BMP1: variants seen among roughly 807,000 people sequenced by gnomAD.
BMP1 encodes the protein mammalian tolloid protein.
In BMP1, 63 loss-of-function variants were observed where a neutral mutation model predicts 116.8. That is an observed-to-expected ratio of 0.54 (90% CI 0.44 to 0.67). The LOEUF (loss-of-function observed/expected upper bound fraction) is 0.67, where lower values mean the gene tolerates loss of function less well. BMP1 is among the 30% of genes least tolerant of loss of function. The pLI is 0.00. For missense variants in BMP1, 1,183 were observed against 1,358.9 expected (o/e 0.87, Z 2.04); for synonymous variants, 536 against 533.4 (o/e 1.00, Z -0.07).
rs200128133 is a variant in BMP1, at chr8:22,206,918, G to C, written c.2298G>C (p.Lys766Asn). The C allele has an allele frequency of 6.8e-6, 11 of 1,614,102 alleles. No individual in the cohort carries two copies. Among genetic ancestry groups the C allele is most frequent in the Non-Finnish European group, 8.5e-6 (10 of 1,180,036 alleles). The change falls in exon 17 of 20, where the codon AAG (lysine) becomes AAC (asparagine). Residue 766 changes from lysine (K) to asparagine (N), a missense_variant. Transcript: ENST00000306385. ...GTITSPNWPD[K>N]YPSKKECTWA... is the part of the protein sequence containing the mutation. ...TCACCAGCCCCAACTGGCCTGACAA[G>C]TATCCCAGCAAGAAGGAGTGCACGT...
At chr8:22,191,899 T>C (rs1586457629) in intron 8 of BMP1, 150 bp from the exon 9 acceptor site, 6 of 609,170 alleles carry the variant, frequency 9.8e-6, no homozygotes, top group Non-Finnish European at 1.7e-5. Flanking sequence ...GGAGGGGCGG[T>C]TCTGTGCCAG....
At chr8:22,178,898 C>T (rs1327998915) in intron 6 of BMP1, among the ~76,000 whole-genome samples, 1 of 152,148 alleles carries the variant, frequency 6.6e-6, no homozygotes, top group African/African-American at 2.4e-5. Context: ...GTGCTTCTAC[C>T]CGATCTGCTC....
rs1295944749 is a variant in BMP1, at chr8:22,195,455, A to T, written c.1640-7A>T. 1.3e-6 allele frequency: 2 copies of T among 1,594,402 alleles called. No homozygotes were observed. Among genetic ancestry groups the T allele is most frequent in the African/African-American group, 2.7e-5 (2 of 73,522 alleles). On this transcript the variant is annotated splice_polypyrimidine_tract_variant and splice_region_variant and intron_variant, in intron 12 of 19. Coordinates refer to ENST00000306385, the MANE Select transcript of BMP1 (RefSeq NM_006129.5). ...GAGTCTGTGACACCCTTTCCTTCCC[A>T]CCACAGAGGTGGACGAGTGCTCTCG...
At chr8:22,205,121 G>A (rs1387261667) in intron 16 of BMP1, among the ~76,000 whole-genome samples, 1 of 152,188 alleles carries the variant, frequency 6.6e-6, no homozygotes, top group Non-Finnish European at 1.5e-5. Context: ...GAGTCCAGAG[G>A]TTGAAGCCAT....
intron 8 of BMP1, among the ~76,000 whole-genome samples, chr8:22,184,203 A>G (rs1828703436): frequency 6.6e-6 from 1 of 152,350 alleles, no homozygotes; most frequent in South Asian, 2.1e-4. Context: ...GTCAGGTGGC[A>G]CGCTACTTAC....
Position 22,173,614 on chromosome 8 carries a change from G to C in BMP1, c.161G>C (p.Gly54Ala), listed in dbSNP as rs1362420861. The C allele has an allele frequency of 3.1e-6, 5 of 1,610,724 alleles. No individual in the cohort carries two copies. The highest frequency in any genetic ancestry group is 4.2e-6 in the Non-Finnish European group (5 of 1,178,482). Reference protein sequence around the residue: ...KDPCKAAAFLGDIALDEEDLR... With the variant: ...KDPCKAAAFLADIALDEEDLR... The stretch of plus-strand genomic sequence containing the variant: ...CTTTTCTCTTTAGCTGCCTTTCTTG[G>C]GGACATTGCCCTGGACGAAGAGGAC... Residue 54 changes from glycine to alanine, a missense_variant, in exon 2 of 20, where the codon GGG (glycine) becomes GCG (alanine). Around this residue, in one of 4 missense-constraint regions of BMP1, gnomAD observed 185 missense variants for 158.9 expected, o/e 1.16. Coordinates refer to ENST00000306385, the MANE Select transcript of BMP1 (RefSeq NM_006129.5).
chr8:22,208,344 G>T lies in BMP1; in HGVS notation c.2575+828G>T, dbSNP rs561358575. 6.6e-5 allele frequency among the ~76,000 whole-genome samples: 10 copies of T among 152,362 alleles called. No individual in the cohort carries two copies. In the East Asian group the frequency reaches 1.7e-3, roughly 26 times the overall value. ...ATGAACTGAGCTCCGCTCTGCGAGA[G>T]GACTAAGGGGCACGTGGCCTGAATC... On this transcript the variant is annotated intron_variant, in intron 18 of 19. Coordinates refer to ENST00000306385, the MANE Select transcript of BMP1 (RefSeq NM_006129.5).
intron 16 of BMP1, among the ~76,000 whole-genome samples, chr8:22,203,855 T>C (rs1337997951): frequency 6.6e-6 from 1 of 151,220 alleles, no homozygotes; most frequent in Non-Finnish European, 1.5e-5. Flanking sequence ...TAAACTGCAT[T>C]CTGTCTCTGT....
chr8:22,165,669 A>C, intron 1 of BMP1, 116 bp downstream of exon 1: 1 of 920,214 alleles, frequency 1.1e-6, no homozygotes, highest in Non-Finnish European at 1.5e-6. Flanking sequence ...CTGGTTGGCA[A>C]TGCAGTGGGG....
intron 15 of BMP1, among the ~76,000 whole-genome samples, chr8:22,199,582 A>G (rs756925876): frequency 2.0e-5 from 3 of 152,078 alleles, no homozygotes; most frequent in East Asian, 1.9e-4. Context: ...GGCAGGTGTA[A>G]TTTTACCCCT....
chr8:22,180,747 C>T (rs192902412), intron 8 of BMP1, among the ~76,000 whole-genome samples: 1 of 151,706 alleles, frequency 6.6e-6, no homozygotes, highest in East Asian at 2.0e-4. Flanking sequence ...TTATCTAGTT[C>T]TTCTTGGGTG....
chr8:22,206,717 C>T, intron 16 of BMP1, 137 bp from the exon 17 acceptor site: 1 of 1,288,406 alleles, frequency 7.8e-7, no homozygotes, highest in Non-Finnish European at 1.1e-6. Context: ...AGAAACGATG[C>T]CTGCCTGCCA....
chr8:22,176,982 C>T lies in BMP1; in HGVS notation c.573C>T (p.Arg191=). Reference sequence around the variant, plus strand: ...CCAGGTGCTGCTCCTACGTGGGTCGCCGCGGCGGGGGCCCCCAGGCCATCT... The same window carrying T: ...CCAGGTGCTGCTCCTACGTGGGTCGTCGCGGCGGGGGCCCCCAGGCCATCT... ...RPCGCCSYVG[R]RGGGPQAISI... Residue 191 remains arginine, a synonymous_variant, in exon 5 of 20, where the codon CGC becomes CGT. Coordinates refer to ENST00000306385, the MANE Select transcript of BMP1 (RefSeq NM_006129.5). 6.2e-7 allele frequency: 1 copy of T among 1,611,866 alleles called. No homozygotes were observed.
intron 19 of BMP1, among the ~76,000 whole-genome samples, chr8:22,210,651 C>T (rs1485370305): frequency 6.6e-6 from 1 of 152,174 alleles, no homozygotes; most frequent in Non-Finnish European, 1.5e-5. Context: ...GGCTGAACCT[C>T]CCCCAGGAGC....
intron 5 of BMP1, 99 bp downstream of exon 5, chr8:22,177,238 G>C (rs1330840475): frequency 1.6e-6 from 2 of 1,285,304 alleles, no homozygotes; most frequent in African/African-American, 3.0e-5. Context: ...CCAGCCAGCC[G>C]TCATCGCCTG....
intron 1 of BMP1, among the ~76,000 whole-genome samples, chr8:22,166,485 T>C (rs1828116126): frequency 6.6e-6 from 1 of 152,174 alleles, no homozygotes. Context: ...CTCGGGCCAT[T>C]TGCCTGATTG....
At chr8:22,197,862 C>T (rs570047177) in intron 15 of BMP1, among the ~76,000 whole-genome samples, 61 of 152,240 alleles carry the variant, frequency 4.0e-4, no homozygotes, top group Admixed American at 5.9e-4. Context: ...CCTGCACACG[C>T]CAAATAGGTT....
chr8:22,176,548 T>TTCCTTC lies in BMP1; in HGVS notation c.449_450insTCCTTC (p.Val150_Phe151insProSer), dbSNP rs1828441625. The TTCCTTC allele has an allele frequency of 6.2e-7, 1 of 1,614,062 alleles. No homozygotes were observed. The highest frequency in any genetic ancestry group is 8.5e-7 in the Non-Finnish European group (1 of 1,180,010). On this transcript the variant is annotated inframe_insertion, in exon 4 of 20. Coordinates refer to ENST00000306385, the MANE Select transcript of BMP1 (RefSeq NM_006129.5). ...CTCCTGGCAGGTAGCCAGAGGGCAG[T>TTCCTTC]CTTCCGGCAGGCCATGAGGCACTGG...
intron 15 of BMP1, chr8:22,199,377 G>A (rs970256828): frequency 1.5e-6 from 2 of 1,293,030 alleles, no homozygotes; most frequent in Non-Finnish European, 2.0e-6. Flanking sequence ...GGGGCATTTG[G>A]GCACTGTAGG....
Sources: gnomAD v4.1 joint callset for allele counts (sites outside exome capture counted in the v4.1 genomes callset) on GRCh38, gnomAD v4.1.1 for gene constraint, gnomAD v4.1.1 regional missense constraint, MANE v1.5 for transcripts, NCBI Gene and HGNC (gene_info 2026-07-23, HGNC 2026-07-21) for gene names.